Variants in ULK4 observed in about 807,000 individuals in gnomAD.
The protein encoded by ULK4 is inactive serine/threonine-protein kinase ULK4.
A neutral mutation model predicts 160.6 loss-of-function variants in ULK4; 133 were observed. That is an observed-to-expected ratio of 0.83 (90% confidence interval 0.72 to 0.96). ULK4 has a LOEUF of 0.96. Among genes scored for constraint, ULK4 ranks in the 40% least tolerant of loss-of-function variants. The pLI is 0.00. For missense variants in ULK4, 1,580 were observed against 1,499.5 expected (o/e 1.05, Z -0.89); for synonymous variants, 534 against 539.8 (o/e 0.99, Z 0.15).
chr3:41,566,771 C>T (rs2087796562), intron 31 of ULK4, among the ~76,000 whole-genome samples: 1 of 152,134 alleles, frequency 6.6e-6, no homozygotes, highest in African/African-American at 2.4e-5. Flanking sequence ...AAACAACTTG[C>T]TTTTCTTTTG....
At chr3:41,413,281 T>C (rs1375336357) in intron 34 of ULK4, among the ~76,000 whole-genome samples, 2 of 152,130 alleles carry the variant, frequency 1.3e-5, no homozygotes, top group Non-Finnish European at 2.9e-5. Context: ...GGAGCTAAAA[T>C]TCAAGATGAG....
chr3:41,413,726 C>A (rs950202294), intron 34 of ULK4, among the ~76,000 whole-genome samples: 1 of 152,096 alleles, frequency 6.6e-6, no homozygotes, highest in Non-Finnish European at 1.5e-5. Flanking sequence ...AACCAGAACT[C>A]CCCAAATCAA....
intron 35 of ULK4, among the ~76,000 whole-genome samples, chr3:41,384,743 C>CCCATCA (rs1266669850): frequency 6.6e-6 from 1 of 152,130 alleles, no homozygotes; most frequent in Non-Finnish European, 1.5e-5. Flanking sequence ...CGCCATCACT[C>CCCATCA]CTGGCTAATT....
chr3:41,416,299 T>C (rs1296058864), intron 34 of ULK4, among the ~76,000 whole-genome samples: 2 of 152,200 alleles, frequency 1.3e-5, no homozygotes, highest in African/African-American at 4.8e-5. Flanking sequence ...ATATTTCACA[T>C]AAAATCTCGT....
At chr3:41,661,488 G>T in intron 30 of ULK4, among the ~76,000 whole-genome samples, 1 of 135,974 alleles carries the variant, frequency 7.4e-6, no homozygotes, top group East Asian at 1.9e-4. Flanking sequence ...TAGGCAGGCA[G>T]ATAGACAGAT....
intron 35 of ULK4, among the ~76,000 whole-genome samples, chr3:41,303,272 T>G (rs1021588662): frequency 6.6e-6 from 1 of 152,208 alleles, no homozygotes; most frequent in African/African-American, 2.4e-5. Flanking sequence ...TGTTTTACTC[T>G]GCCTAACATA....
At chr3:41,783,878 A>T (rs950818328) in intron 21 of ULK4, among the ~76,000 whole-genome samples, 1 of 152,208 alleles carries the variant, frequency 6.6e-6, no homozygotes, top group Non-Finnish European at 1.5e-5. Context: ...TGAAAATGAA[A>T]TATTTGCAGG....
intron 17 of ULK4, among the ~76,000 whole-genome samples, chr3:41,836,687 T>C (rs1350169777): frequency 6.6e-6 from 1 of 152,162 alleles, no homozygotes; most frequent in Non-Finnish European, 1.5e-5. Context: ...AGTTCTTATA[T>C]TGCATTAAAC....
intron 34 of ULK4, among the ~76,000 whole-genome samples, chr3:41,448,128 G>A (rs552842629): frequency 3.3e-5 from 5 of 152,176 alleles, no homozygotes; most frequent in African/African-American, 9.6e-5. Context: ...GAAGCAAACC[G>A]ATATGGCTCC....
intron 32 of ULK4, among the ~76,000 whole-genome samples, chr3:41,550,199 C>A (rs1005573500): frequency 2.0e-5 from 3 of 151,604 alleles, no homozygotes; most frequent in Non-Finnish European, 1.5e-5. Flanking sequence ...TTATTAACTA[C>A]GGTAAACAAT....
At chr3:41,270,596 T>C (rs2079123414) in intron 35 of ULK4, among the ~76,000 whole-genome samples, 1 of 152,246 alleles carries the variant, frequency 6.6e-6, no homozygotes, top group Non-Finnish European at 1.5e-5. Context: ...CACATCCTGT[T>C]AGTAGCTGGT....
chr3:41,558,626 C>G (rs1434519568), intron 32 of ULK4, among the ~76,000 whole-genome samples: 2 of 151,572 alleles, frequency 1.3e-5, no homozygotes, highest in Non-Finnish European at 2.9e-5. Flanking sequence ...ATTGCTGGAC[C>G]CTGGGAGGTG....
intron 32 of ULK4, among the ~76,000 whole-genome samples, chr3:41,512,191 T>A (rs756738897): frequency 6.6e-6 from 1 of 152,144 alleles, no homozygotes; most frequent in African/African-American, 2.4e-5. Flanking sequence ...CAGGGAAAAG[T>A]TGAAAGCATT....
Position 41,574,175 on chromosome 3 carries a change from G to A in ULK4, c.3121-8045C>T, listed in dbSNP as rs530555614. 1.4e-3 allele frequency among the ~76,000 whole-genome samples: 216 copies of A among 152,148 alleles called. 1 individual carries two copies. The highest frequency in any genetic ancestry group is 4.7e-3 in the African/African-American group (194 of 41,520). On this transcript the variant is annotated intron_variant, in intron 31 of 36. Coordinates refer to ENST00000301831, the MANE Select transcript of ULK4 (RefSeq NM_017886.4). ...GCCTGGGCAACAAGAGCGAAACTCCGTCTCAAAAAAACAAACAAACAAACA... is the reference window on the plus strand; with the variant it reads ...GCCTGGGCAACAAGAGCGAAACTCCATCTCAAAAAAACAAACAAACAAACA...
chr3:41,912,659 C>A, intron 9 of ULK4, 148 bp downstream of exon 9: 1 of 622,346 alleles, frequency 1.6e-6, no homozygotes, highest in Non-Finnish European at 2.7e-6. Flanking sequence ...GAGTAAACTC[C>A]TCAAGCAACC....
intron 16 of ULK4, among the ~76,000 whole-genome samples, chr3:41,893,977 T>C (rs1203104194): frequency 6.6e-6 from 1 of 152,154 alleles, no homozygotes. Context: ...AAAAGAGGAT[T>C]CCTACCAGAG....
intron 32 of ULK4, among the ~76,000 whole-genome samples, chr3:41,546,546 C>T (rs770846971): frequency 2.0e-5 from 3 of 152,034 alleles, no homozygotes; most frequent in Admixed American, 6.6e-5. Context: ...TGAGGCCTAA[C>T]GTAATCTTGC....
At chr3:41,594,982 GA>G (rs1421617330) in intron 31 of ULK4, among the ~76,000 whole-genome samples, 2 of 152,154 alleles carry the variant, frequency 1.3e-5, no homozygotes, top group African/African-American at 4.8e-5. Context: ...ACTGAGACAG[GA>G]AAAACCTGTG....
rs770829368 is a variant in ULK4, at chr3:41,911,399, A to G, written c.1016-13T>C. On this transcript the variant is annotated splice_polypyrimidine_tract_variant and intron_variant, in intron 10 of 36. Coordinates refer to ENST00000301831, the MANE Select transcript of ULK4 (RefSeq NM_017886.4). ...TCAGTTGGATTTTCTGTAGCAGGAA[A>G]GTAATATGTTATCCAGAAAAGAACA... 6.2e-7 allele frequency: 1 copy of G among 1,613,808 alleles called. No individual in the cohort carries two copies. Among genetic ancestry groups the G allele is most frequent in the Non-Finnish European group, 8.5e-7 (1 of 1,179,768 alleles).
Sources: allele counts gnomAD v4.1 joint callset (sites outside exome capture counted in the v4.1 genomes callset), GRCh38; gene constraint gnomAD v4.1.1; transcripts MANE v1.5; gene names NCBI Gene and HGNC (gene_info 2026-07-23, HGNC 2026-07-21).